Variants in ALCAM observed in about 807,000 individuals in gnomAD.
ALCAM encodes activated leukocyte cell adhesion molecule.
A neutral mutation model predicts 70.9 loss-of-function variants in ALCAM; 30 were observed. The observed-to-expected ratio is 0.42, with a 90% CI of 0.32 to 0.57. The LOEUF (loss-of-function observed/expected upper bound fraction) is 0.57, where lower values mean the gene tolerates loss of function less well. Among genes scored for constraint, ALCAM ranks in the 20% least tolerant of loss-of-function variants. ALCAM has a pLI of 0.11. For missense variants in ALCAM, 591 were observed against 695.1 expected (o/e 0.85, Z 1.68); for synonymous variants, 249 against 242.5 (o/e 1.03, Z -0.25).
Position 105,524,341 on chromosome 3 carries a change from A to T in ALCAM, c.227A>T (p.Lys76Ile). 1.2e-6 allele frequency: 2 copies of T among 1,614,172 alleles called. No individual in the cohort carries two copies. The highest frequency in any genetic ancestry group is 1.7e-6 in the Non-Finnish European group (2 of 1,180,006). ...VFIAFRSSTK[K>I]SVQYDDVPEY... Reference sequence around the variant, plus strand: ...ATTGCCTTCAGATCCTCTACAAAGAAAAGTGTGCAGTACGACGATGTACCA... The same window carrying T: ...ATTGCCTTCAGATCCTCTACAAAGATAAGTGTGCAGTACGACGATGTACCA... Residue 76 changes from lysine (K) to isoleucine (I), a missense_variant, in exon 3 of 16, where the codon AAA becomes ATA. Coordinates refer to ENST00000306107, the MANE Select transcript of ALCAM (RefSeq NM_001627.4).
Position 105,423,197 on chromosome 3 carries a change from T to C in ALCAM, c.73+55716T>C, listed in dbSNP as rs1936711890. Among the ~76,000 whole-genome samples the C allele has an allele frequency of 3.3e-5, 5 of 151,522 alleles. No individual in the cohort carries two copies. The South Asian group carries it at 1.0e-3, about 31-fold the overall frequency. On this transcript the variant is annotated intron_variant, in intron 1 of 15. Transcript: ENST00000306107. ...AAACATTATATTATAATGTCTTTAG[T>C]TCACTACTATAATATCCTTGGTTCT...
intron 1 of ALCAM, among the ~76,000 whole-genome samples, chr3:105,438,644 C>T (rs761464224): frequency 6.6e-6 from 1 of 152,156 alleles, no homozygotes; most frequent in African/African-American, 2.4e-5. Flanking sequence ...ACAAGTGTCA[C>T]TGGCAAATGT....
At chr3:105,569,747 G>A (rs1237572660) in intron 14 of ALCAM, among the ~76,000 whole-genome samples, 2 of 152,138 alleles carry the variant, frequency 1.3e-5, no homozygotes, top group African/African-American at 2.4e-5. Flanking sequence ...AGAGTTTGTG[G>A]TCAAGTCAAG....
chr3:105,520,647 G>A (rs1359120954), intron 2 of ALCAM, among the ~76,000 whole-genome samples: 1 of 149,678 alleles, frequency 6.7e-6, no homozygotes. Flanking sequence ...TGATGCTATA[G>A]GTCTTTTTTA....
chr3:105,535,702 T>C (rs984170460), intron 6 of ALCAM, among the ~76,000 whole-genome samples: 1 of 151,746 alleles, frequency 6.6e-6, no homozygotes, highest in African/African-American at 2.4e-5. Flanking sequence ...ATTATCACAA[T>C]ATAAACATAG....
intron 1 of ALCAM, among the ~76,000 whole-genome samples, chr3:105,413,636 T>G (rs1936441255): frequency 6.6e-6 from 1 of 152,132 alleles, no homozygotes; most frequent in South Asian, 2.1e-4. Context: ...ACTAATAGGT[T>G]GCTTGGAAGT....
At chr3:105,377,919 G>A (rs879861502) in intron 1 of ALCAM, among the ~76,000 whole-genome samples, 2 of 151,932 alleles carry the variant, frequency 1.3e-5, no homozygotes, top group Non-Finnish European at 2.9e-5. Flanking sequence ...TTTATGGGTG[G>A]TCTGACTAAT....
At chr3:105,550,001 A>C (rs1040082614) in intron 11 of ALCAM, 126 bp from the exon 12 acceptor site, 13 of 714,144 alleles carry the variant, frequency 1.8e-5, no homozygotes, top group Middle Eastern at 4.4e-4. Flanking sequence ...ATGATCTTAC[A>C]TAGCTTTTGA....
intron 1 of ALCAM, among the ~76,000 whole-genome samples, chr3:105,461,350 AAC>A (rs1423383867): frequency 6.6e-6 from 1 of 151,848 alleles, no homozygotes; most frequent in African/African-American, 2.4e-5. Context: ...GTCCAAATAA[AAC>A]ACATATATAA....
rs189454022 is a variant in ALCAM at position 105,419,056 on chromosome 3, T to A, written c.73+51575T>A. Among the ~76,000 whole-genome samples, 15 of 151,846 alleles carry A rather than the reference T, an allele frequency of 9.9e-5. 1 individual carries two copies. In the East Asian group the frequency reaches 1.7e-3, roughly 18 times the overall value. ...TCCAGATACAACTGCATCTATGGGG[T>A]CTCTGATTTTTATAGCTTGTTAGAA... On this transcript the variant is annotated intron_variant, in intron 1 of 15. Coordinates refer to ENST00000306107, the MANE Select transcript of ALCAM (RefSeq NM_001627.4).
intron 14 of ALCAM, among the ~76,000 whole-genome samples, chr3:105,558,505 T>C (rs499342): frequency 0.99 from 151,286 of 152,190 alleles, 75,199 homozygotes; most frequent in Middle Eastern, 1. Flanking sequence ...CTGCCTCCTC[T>C]ATCCTCTCAC....
chr3:105,436,573 C>T (rs1051994335), intron 1 of ALCAM, among the ~76,000 whole-genome samples: 7 of 151,964 alleles, frequency 4.6e-5, no homozygotes, highest in African/African-American at 4.8e-5. Flanking sequence ...GTGATCTACC[C>T]GCCTCAGCCT....
At chr3:105,377,060 C>T (rs1162241508) in intron 1 of ALCAM, among the ~76,000 whole-genome samples, 1 of 152,086 alleles carries the variant, frequency 6.6e-6, no homozygotes, top group East Asian at 1.9e-4. Flanking sequence ...GTATACCTCC[C>T]TACTTAAAAA....
At chr3:105,499,425 A>G (rs2062434) in intron 1 of ALCAM, among the ~76,000 whole-genome samples, 63,358 of 151,934 alleles carry the variant, frequency 0.42, 13,989 homozygotes, top group African/African-American at 0.53. Context: ...AAATAGGCCT[A>G]GTAATAAAGT....
At chr3:105,381,713 A>G (rs78937743) in intron 1 of ALCAM, among the ~76,000 whole-genome samples, 2,248 of 151,872 alleles carry the variant, frequency 0.015, 46 homozygotes, top group African/African-American at 0.05. Flanking sequence ...CTCGAAAGAC[A>G]TTTATGTAGA....
chr3:105,430,611 T>TA (rs1936905517), intron 1 of ALCAM, among the ~76,000 whole-genome samples: 1 of 152,106 alleles, frequency 6.6e-6, no homozygotes, highest in African/African-American at 2.4e-5. Context: ...ATCCCCTGGC[T>TA]AAGTTGGTGT....
At chr3:105,540,888 C>A (rs981461101) in intron 7 of ALCAM, among the ~76,000 whole-genome samples, 3 of 151,988 alleles carry the variant, frequency 2.0e-5, no homozygotes, top group Non-Finnish European at 2.9e-5. Context: ...TAAGTAATTT[C>A]TTTATGCTGA....
rs748422296 is a variant in ALCAM, at chr3:105,479,573, C to T, written c.74-40494C>T. 4.6e-5 allele frequency among the ~76,000 whole-genome samples: 7 copies of T among 152,102 alleles called. No individual in the cohort carries two copies. In the South Asian group the frequency reaches 6.2e-4, roughly 14 times the overall value. On this transcript the variant is annotated intron_variant, in intron 1 of 15. Coordinates refer to ENST00000306107, the MANE Select transcript of ALCAM (RefSeq NM_001627.4). ...CATTATTTTCTAGAAAGAGAGACAA[C>T]GAGCTTCAGACATGCTTTTAGACCA...
chr3:105,521,706 G>T (rs1027132129), intron 2 of ALCAM, among the ~76,000 whole-genome samples: 2 of 152,104 alleles, frequency 1.3e-5, no homozygotes, highest in Non-Finnish European at 2.9e-5. Context: ...CCTAGTACTT[G>T]TCGTGTAGTA....
Sources: gnomAD v4.1 joint callset for allele counts (sites outside exome capture counted in the v4.1 genomes callset) on GRCh38, gnomAD v4.1.1 for gene constraint, MANE v1.5 for transcripts, NCBI Gene and HGNC (gene_info 2026-07-23, HGNC 2026-07-21) for gene names.